ANK3: variants seen among roughly 807,000 people sequenced by gnomAD.
ANK3 encodes the protein ankyrin 3.
ANK3 carries 57 observed loss-of-function variants against 370.9 expected under a neutral mutation model. The observed-to-expected ratio is 0.15, with a 90% CI of 0.12 to 0.19. The LOEUF (loss-of-function observed/expected upper bound fraction) is 0.19, where lower values mean the gene tolerates loss of function less well. ANK3 is among the 10% of genes least tolerant of loss of function. ANK3 has a pLI of 1.00. For synonymous variants in ANK3, 1,929 were observed against 1,946.3 expected (o/e 0.99, Z 0.23); for missense variants, 4,439 against 5,302.1 (o/e 0.84, Z 5.06).
At chr10:60,560,241 T>G (rs375723652) in intron 2 of ANK3, among the ~76,000 whole-genome samples, 32 of 152,186 alleles carry the variant, frequency 2.1e-4, no homozygotes, top group African/African-American at 7.0e-4. Flanking sequence ...AAAATTAATA[T>G]TTTGTAGTTT....
chr10:60,382,794 A>AATAT (rs1249807913), intron 1 of ANK3, among the ~76,000 whole-genome samples: 196 of 46,768 alleles, frequency 4.2e-3, no homozygotes, highest in African/African-American at 0.014. Context: ...CCTATACCTA[A>AATAT]ATCTATATAT....
At chr10:60,517,851 A>G (rs2133175698) in intron 2 of ANK3, among the ~76,000 whole-genome samples, 1 of 151,772 alleles carries the variant, frequency 6.6e-6, no homozygotes, top group East Asian at 2.0e-4. Context: ...CTCCCTCCCC[A>G]GCAGACAGTA....
chr10:60,428,273 G>A (rs2063934242), intron 2 of ANK3, among the ~76,000 whole-genome samples: 1 of 152,090 alleles, frequency 6.6e-6, no homozygotes, highest in African/African-American at 2.4e-5. Flanking sequence ...CGAGAATAAC[G>A]CTTCTATCAA....
chr10:60,232,674 A>G (rs2097263804), intron 8 of ANK3, among the ~76,000 whole-genome samples: 1 of 152,064 alleles, frequency 6.6e-6, no homozygotes, highest in Admixed American at 6.6e-5. Context: ...TCCAGGTTCA[A>G]TGGTAATCAA....
chr10:60,055,147 A>G (rs554625974), intron 42 of ANK3, among the ~76,000 whole-genome samples: 7 of 150,630 alleles, frequency 4.6e-5, no homozygotes, highest in African/African-American at 1.7e-4. Flanking sequence ...ACCTCATTTT[A>G]GGCTTGGAAT....
At chr10:60,684,798 T>G (rs2079246310) in intron 1 of ANK3, 1 of 1,543,502 alleles carries the variant, frequency 6.5e-7, no homozygotes, top group African/African-American at 1.4e-5. Context: ...GCATTTTATT[T>G]CTTATGGACT....
chr10:60,397,869 A>G (rs1339868883), intron 2 of ANK3, among the ~76,000 whole-genome samples: 1 of 152,168 alleles, frequency 6.6e-6, no homozygotes, highest in Non-Finnish European at 1.5e-5. Context: ...AAAAAATACA[A>G]CTCGAGAACA....
chr10:60,425,673 C>A (rs2063870825), intron 2 of ANK3, among the ~76,000 whole-genome samples: 1 of 152,044 alleles, frequency 6.6e-6, no homozygotes, highest in Non-Finnish European at 1.5e-5. Flanking sequence ...CTAAAAAATA[C>A]ATAGCAAATA....
intron 2 of ANK3, among the ~76,000 whole-genome samples, chr10:60,606,776 C>T (rs1216454398): frequency 6.6e-6 from 1 of 152,158 alleles, no homozygotes; most frequent in Admixed American, 6.5e-5. Flanking sequence ...GGCTGTAAGC[C>T]TTGACTTGCC....
intron 2 of ANK3, among the ~76,000 whole-genome samples, chr10:60,401,865 T>C (rs1327520890): frequency 2.0e-5 from 3 of 152,168 alleles, no homozygotes; most frequent in Non-Finnish European, 4.4e-5. Flanking sequence ...GATAAATTTC[T>C]GGAGGTAGAT....
At chr10:60,473,223 A>G (rs1194106245) in intron 2 of ANK3, among the ~76,000 whole-genome samples, 1 of 152,246 alleles carries the variant, frequency 6.6e-6, no homozygotes, top group African/African-American at 2.4e-5. Flanking sequence ...AAAAATTCTG[A>G]AAGGAAATGC....
intron 2 of ANK3, among the ~76,000 whole-genome samples, chr10:60,420,892 A>G (rs553892698): frequency 5.9e-5 from 9 of 152,306 alleles, no homozygotes; most frequent in African/African-American, 2.2e-4. Flanking sequence ...ATTCAAACAG[A>G]TACTTACTTG....
At chr10:60,604,951 G>A (rs1009544216) in intron 2 of ANK3, among the ~76,000 whole-genome samples, 16 of 152,176 alleles carry the variant, frequency 1.1e-4, no homozygotes, top group African/African-American at 3.9e-4. Flanking sequence ...CACTTGCTGT[G>A]CTGCTCCCTA....
Position 60,070,547 on chromosome 10 carries a change from A to G in ANK3, c.10334T>C (p.Ile3445Thr). 1 of 1,614,086 alleles carries G rather than the reference A, an allele frequency of 6.2e-7. No individual in the cohort carries two copies. Among genetic ancestry groups the G allele is most frequent in the Non-Finnish European group, 8.5e-7 (1 of 1,180,014 alleles). The part of the protein sequence containing the change: ...PIQAMEIKKD[I>T]WNTEGILKPA... Reference sequence around the variant, plus strand: ...CTTCAGAATGCCCTCTGTGTTCCAGATATCTTTCTTAATTTCCATGGCTTG... The same window carrying G: ...CTTCAGAATGCCCTCTGTGTTCCAGGTATCTTTCTTAATTTCCATGGCTTG... Residue 3445 changes from isoleucine to threonine, a missense_variant, in exon 37 of 44, where the codon ATC becomes ACC. By Grantham distance (89) the Ile-to-Thr change is moderately conservative (BLOSUM62 -1). This residue lies in a region of ANK3 where 1,601 missense variants were observed against 1,731.7 expected (regional missense o/e 0.92). Coordinates refer to ENST00000280772, the MANE Select transcript of ANK3 (RefSeq NM_020987.5). The surrounding 1 kb of genome is among the most constrained non-coding windows in gnomAD (Gnocchi z 5.7).
intron 7 of ANK3, among the ~76,000 whole-genome samples, chr10:60,245,358 T>TATA (rs1555192553): frequency 6.6e-6 from 1 of 151,768 alleles, no homozygotes; most frequent in Non-Finnish European, 1.5e-5. Context: ...AAGATTGACA[T>TATA]ATAATTTTCA....
intron 1 of ANK3, among the ~76,000 whole-genome samples, chr10:60,306,961 C>T (rs932857486): frequency 2.0e-5 from 3 of 152,104 alleles, no homozygotes; most frequent in Admixed American, 1.3e-4. Context: ...AACTTCTGGC[C>T]TCAAGCGATC....
At chr10:60,264,448 C>A (rs1435662143) in intron 5 of ANK3, among the ~76,000 whole-genome samples, 3 of 151,926 alleles carry the variant, frequency 2.0e-5, no homozygotes, top group Non-Finnish European at 4.4e-5. Context: ...GAGTTCGAGA[C>A]CAGCATGATC....
intron 2 of ANK3, among the ~76,000 whole-genome samples, chr10:60,521,391 A>G (rs890999815): frequency 1.3e-5 from 2 of 152,164 alleles, no homozygotes; most frequent in Non-Finnish European, 2.9e-5. Context: ...TACTCTACCT[A>G]GAAGCTATTA....
intron 23 of ANK3, among the ~76,000 whole-genome samples, chr10:60,151,401 G>A (rs2095108813): frequency 6.6e-6 from 1 of 152,106 alleles, no homozygotes. Context: ...ATGTTAAAAA[G>A]AGCCTGGCTT....
Sources: allele counts gnomAD v4.1 joint callset (sites outside exome capture counted in the v4.1 genomes callset), GRCh38; gene constraint gnomAD v4.1.1; regional missense constraint gnomAD v4.1.1; non-coding constraint Gnocchi (gnomAD v3.1); transcripts MANE v1.5; gene names NCBI Gene and HGNC (gene_info 2026-07-23, HGNC 2026-07-21).